The following AP3D1 variants were observed in gnomAD, a reference collection of about 807,000 sequenced individuals.
AP3D1 encodes AP-3 complex subunit delta-1.
Under a neutral mutation model 147.6 loss-of-function variants are expected in AP3D1, and 51 were observed. That is an observed-to-expected ratio of 0.35 (90% confidence interval 0.28 to 0.44). The LOEUF is 0.44. Ranked by LOEUF, AP3D1 falls within the 20% of genes least tolerant of loss-of-function variation. The pLI, the probability that AP3D1 is intolerant of heterozygous loss-of-function variation, is 1.00. For missense variants in AP3D1, 1,421 were observed against 1,624.2 expected (o/e 0.87, Z 2.15); for synonymous variants, 760 against 663.0 (o/e 1.15, Z -2.25).
chr19:2,126,443 C>T (rs1283693459), intron 9 of AP3D1, among the ~76,000 whole-genome samples: 2 of 152,062 alleles, frequency 1.3e-5, no homozygotes, highest in African/African-American at 4.8e-5. Flanking sequence ...ATCAAGAGGT[C>T]AGGAGTTCGA....
At chr19:2,126,918 A>C (rs1233661093) in intron 9 of AP3D1, among the ~76,000 whole-genome samples, 3 of 152,066 alleles carry the variant, frequency 2.0e-5, no homozygotes, top group Non-Finnish European at 4.4e-5. Flanking sequence ...GCAGCTTAAG[A>C]AGCAAACACC....
intron 1 of AP3D1, among the ~76,000 whole-genome samples, chr19:2,148,427 G>A (rs564902427): frequency 6.6e-6 from 1 of 152,294 alleles, no homozygotes; most frequent in South Asian, 2.1e-4. Context: ...AGGACAGGAC[G>A]GTTACTGTAT....
upstream of AP3D1, among the ~76,000 whole-genome samples, chr19:2,154,726 C>T (rs2019631477): frequency 6.6e-6 from 1 of 152,248 alleles, no homozygotes; most frequent in Non-Finnish European, 1.5e-5. Flanking sequence ...GCCCCATACC[C>T]TGGAGGAAGA....
intron 6 of AP3D1, 151 bp downstream of exon 6, chr19:2,130,257 A>C: frequency 8.1e-7 from 1 of 1,238,662 alleles, no homozygotes; most frequent in South Asian, 1.5e-5. Flanking sequence ...TGCCCCAGCA[A>C]GGGGAGGCCC....
Position 2,137,105 on chromosome 19 carries a change from G to C in AP3D1, c.274-14C>G, listed in dbSNP as rs898787415. 3 of 1,572,768 alleles carry C rather than the reference G, an allele frequency of 1.9e-6. No homozygotes were observed. The highest frequency in any genetic ancestry group is 2.6e-6 in the Non-Finnish European group (3 of 1,159,302). ...GTAGCCAATTCGCTGGGAGAGAACAGATGAGCACATCAGAGGCAGGACACC... is the reference window on the plus strand; with the variant it reads ...GTAGCCAATTCGCTGGGAGAGAACACATGAGCACATCAGAGGCAGGACACC... On this transcript the variant is annotated splice_polypyrimidine_tract_variant and intron_variant, in intron 3 of 31. Transcript: ENST00000643116.
Position 2,110,694 on chromosome 19 carries a change from G to T in AP3D1, c.3175+13C>A, listed in dbSNP as rs1012361793. 16 of 1,583,110 alleles carry T rather than the reference G, an allele frequency of 1.0e-5. No homozygotes were observed. Among genetic ancestry groups the T allele is most frequent in the Non-Finnish European group, 7.7e-6 (9 of 1,165,600 alleles). On this transcript the variant is annotated intron_variant, in intron 27 of 31. Transcript: ENST00000643116. ...CAGTCCCCAGGAGAGGCCGTGAGTG[G>T]GGCAGGGCTCACCTGGGGGCAGCTG... is the stretch of plus-strand genomic sequence containing the variant.
rs2018408055 is a variant in AP3D1 at position 2,115,215 on chromosome 19, T to C, written c.2349+4A>G. On this transcript the variant is annotated splice_donor_region_variant and intron_variant, in intron 20 of 31. Transcript: ENST00000643116. ...CTAGGACCGGGACCTCCAGCGAGGCTGACCTCAGGCATCTCCTCTGTGACG... is the reference window on the plus strand; with the variant it reads ...CTAGGACCGGGACCTCCAGCGAGGCCGACCTCAGGCATCTCCTCTGTGACG... 1 of 1,611,516 alleles carries C rather than the reference T, an allele frequency of 6.2e-7. No individual in the cohort carries two copies. The highest frequency in any genetic ancestry group is 8.5e-7 in the Non-Finnish European group (1 of 1,178,664).
chr19:2,116,998 T>C, intron 16 of AP3D1: 1 of 792,148 alleles, frequency 1.3e-6, no homozygotes. Flanking sequence ...ATGGCAAGGG[T>C]GGGAGCAGGC....
chr19:2,116,530 C>G (rs1487543797), intron 17 of AP3D1, 75 bp downstream of exon 17: 1 of 1,463,890 alleles, frequency 6.8e-7, no homozygotes, highest in African/African-American at 1.4e-5. Flanking sequence ...CCACAGAGGC[C>G]GCTGACCTGC....
intron 14 of AP3D1, 128 bp from the exon 15 acceptor site, chr19:2,118,960 G>C: frequency 1.2e-6 from 1 of 810,854 alleles, no homozygotes; most frequent in Admixed American, 2.8e-5. Flanking sequence ...TTCCCTGAGC[G>C]GTCTCCAGGG....
In AP3D1 at chr19:2,112,844, G is replaced by A. The variant is rs1367386505; in HGVS notation, c.2787+16C>T. ...CATGCAGCCCTCCACAGCCCCTGGGGGAGTGACAGCCTCACCTTGTCCTGG... is the reference window on the plus strand; with the variant it reads ...CATGCAGCCCTCCACAGCCCCTGGGAGAGTGACAGCCTCACCTTGTCCTGG... On this transcript the variant is annotated intron_variant, in intron 24 of 31. Coordinates refer to ENST00000643116, the MANE Select transcript of AP3D1 (RefSeq NM_001261826.3). The A allele has an allele frequency of 6.3e-7, 1 of 1,598,448 alleles. No individual in the cohort carries two copies. Among genetic ancestry groups the A allele is most frequent in the African/African-American group, 1.3e-5 (1 of 74,692 alleles).
intron 1 of AP3D1, among the ~76,000 whole-genome samples, chr19:2,157,461 GA>G (rs1260746773): frequency 1.2e-5 from 1 of 81,566 alleles, no homozygotes; most frequent in Non-Finnish European, 2.4e-5. Flanking sequence ...AAAAAAAAAA[GA>G]AAAAAACAAA....
intron 1 of AP3D1, among the ~76,000 whole-genome samples, chr19:2,163,416 T>C (rs2019776102): frequency 6.6e-6 from 1 of 151,804 alleles, no homozygotes; most frequent in South Asian, 2.1e-4. Flanking sequence ...GGTCTCGAAC[T>C]CCTGACCTCA....
chr19:2,119,654 C>G (rs552823084), intron 14 of AP3D1, among the ~76,000 whole-genome samples: 120 of 146,804 alleles, frequency 8.2e-4, no homozygotes, highest in African/African-American at 3.0e-3. Context: ...CGAGATCATG[C>G]CACTGCACTC....
chr19:2,118,544 C>T (rs1165693783), intron 15 of AP3D1, 57 bp downstream of exon 15: 1 of 1,529,622 alleles, frequency 6.5e-7, no homozygotes, highest in Non-Finnish European at 8.9e-7. Flanking sequence ...CGCCACTGGA[C>T]AGAAAGGCAC....
chr19:2,108,825 C>T (rs1300595441), intron 30 of AP3D1, 59 bp from the exon 31 acceptor site: 1 of 1,526,200 alleles, frequency 6.6e-7, no homozygotes, highest in African/African-American at 1.4e-5. Context: ...AGCCCCACCC[C>T]CAGAGCAGGG....
At chr19:2,151,959 G>A (rs76601537), upstream of AP3D1, among the ~76,000 whole-genome samples, 1,980 of 152,324 alleles carry the variant, frequency 0.013, 21 homozygotes, top group Middle Eastern at 0.037. Context: ...TGTAATAGCT[G>A]ACGCGGCCTG....
intron 1 of AP3D1, among the ~76,000 whole-genome samples, chr19:2,157,438 T>G (rs2019655332): frequency 3.2e-5 from 1 of 31,562 alleles, no homozygotes; most frequent in Non-Finnish European, 5.1e-5. Flanking sequence ...CGAGACTCCG[T>G]CTCAAAAAAA....
intron 2 of AP3D1, among the ~76,000 whole-genome samples, chr19:2,138,391 T>C (rs1458232700): frequency 6.6e-6 from 1 of 152,178 alleles, no homozygotes; most frequent in African/African-American, 2.4e-5. Context: ...TGGGGCTCCC[T>C]CAGGGCTACC....
Sources: allele counts gnomAD v4.1 joint callset (sites outside exome capture counted in the v4.1 genomes callset), GRCh38; gene constraint gnomAD v4.1.1; transcripts MANE v1.5; gene names NCBI Gene and HGNC (gene_info 2026-07-23, HGNC 2026-07-21).